Variants in ANTXRL observed in about 807,000 individuals in gnomAD.
ANTXRL encodes anthrax toxin receptor-like.
ANTXRL carries 63 observed loss-of-function variants against 75.4 expected under a neutral mutation model. That is an observed-to-expected ratio of 0.84 (90% confidence interval 0.68 to 1.03). The LOEUF is 1.03. ANTXRL is among the 50% of genes least tolerant of loss of function. ANTXRL has a pLI of 0.00. For synonymous variants in ANTXRL, 335 were observed against 291.3 expected (o/e 1.15, Z -1.53); for missense variants, 797 against 789.4 (o/e 1.01, Z -0.12).
At chr10:46,309,269 A>G (rs1838283071) in intron 13 of ANTXRL, 67 bp downstream of exon 13, 3 of 1,474,716 alleles carry the variant, frequency 2.0e-6, no homozygotes, top group South Asian at 1.2e-5. Context: ...GGACTCTAAC[A>G]TGTGACTGCC....
Position 46,329,920 on chromosome 10 carries a change from C to A in ANTXRL, c.1732C>A (p.Gln578Lys). 1 of 1,535,688 alleles carries A rather than the reference C, an allele frequency of 6.5e-7. No homozygotes were observed. The highest frequency in any genetic ancestry group is 1.7e-4 in the Middle Eastern group (1 of 5,982). The change falls in exon 17 of 17, where the codon CAA (glutamine) becomes AAA (lysine). Residue 578 changes from glutamine (Q) to lysine (K), a missense_variant. By Grantham distance (53) the Gln-to-Lys change is moderately conservative (BLOSUM62 1). Around this residue, in one of 3 missense-constraint regions of ANTXRL, gnomAD observed 479 missense variants for 422.0 expected, o/e 1.14. Transcript: ENST00000620264. ...TCTGTGCAACCCAAAGAGCTGCCTT[C>A]AACCCAGCCGGGAGTGCCTCCCCCT... ...QTLCNPKSCL[Q>K]PSRECLPLTC...
chr10:46,325,329 G>A (rs1181846103), intron 16 of ANTXRL, among the ~76,000 whole-genome samples: 1 of 152,114 alleles, frequency 6.6e-6, no homozygotes, highest in Non-Finnish European at 1.5e-5. Context: ...CATCTACCTT[G>A]GGGTAAGGAA....
chr10:46,315,092 G>A (rs3013793), intron 16 of ANTXRL, among the ~76,000 whole-genome samples: 17,980 of 152,096 alleles, frequency 0.12, 2,581 homozygotes, highest in African/African-American at 0.35. Flanking sequence ...TGGCCCTAGG[G>A]TCTAACATGA....
At chr10:46,302,088 T>C (rs561105551) in intron 9 of ANTXRL, among the ~76,000 whole-genome samples, 32 of 152,290 alleles carry the variant, frequency 2.1e-4, no homozygotes, top group Non-Finnish European at 3.7e-4. Flanking sequence ...AGAAATCACC[T>C]GTAGTTCTCT....
chr10:46,319,512 C>T (rs1253703662), intron 16 of ANTXRL, among the ~76,000 whole-genome samples: 2 of 152,096 alleles, frequency 1.3e-5, no homozygotes, highest in African/African-American at 4.8e-5. Context: ...TCTTATGAAG[C>T]AAACTGACCC....
upstream of ANTXRL, chr10:46,286,290 T>C (rs1239700326): frequency 1.3e-5 from 2 of 152,196 alleles, no homozygotes; most frequent in African/African-American, 4.8e-5. Context: ...CTGAAAATAC[T>C]CACTCTTGGA....
chr10:46,308,348 T>A (rs1838216265), intron 12 of ANTXRL: 2 of 413,402 alleles, frequency 4.8e-6, no homozygotes, highest in Non-Finnish European at 9.7e-6. Flanking sequence ...ATGCTCAGCC[T>A]CAGTGGTTCC....
rs149339726 is a variant in ANTXRL, at chr10:46,302,684, C to T, written c.797-38C>T. ...AGGTCAGAGGGGAGGCAGCCCCCTA[C>T]TCTTCCTCACTCAGCCTTTTGAATG... On this transcript the variant is annotated intron_variant, in intron 9 of 16. Coordinates refer to ENST00000620264, the MANE Select transcript of ANTXRL (RefSeq NM_001278688.3). 9.3e-5 allele frequency: 134 copies of T among 1,442,060 alleles called. 1 individual carries two copies. The East Asian group carries it at 3.2e-3, about 34-fold the overall frequency. 89.3% of individuals were successfully genotyped at this position (1,442,060 alleles called of 1,614,324 possible).
At chr10:46,328,785 C>G (rs1390552484) in intron 16 of ANTXRL, among the ~76,000 whole-genome samples, 1 of 151,994 alleles carries the variant, frequency 6.6e-6, no homozygotes, top group Non-Finnish European at 1.5e-5. Flanking sequence ...TTGGGGTGAC[C>G]AATCTGTGTT....
intron 16 of ANTXRL, among the ~76,000 whole-genome samples, chr10:46,324,809 A>G (rs1554966155): frequency 6.6e-6 from 1 of 152,110 alleles, no homozygotes; most frequent in Non-Finnish European, 1.5e-5. Context: ...AGAGTCAGGA[A>G]ACTCTACGAT....
At chr10:46,288,376 G>C (rs1411029050) in intron 1 of ANTXRL, among the ~76,000 whole-genome samples, 1 of 152,096 alleles carries the variant, frequency 6.6e-6, no homozygotes, top group Admixed American at 6.6e-5. Flanking sequence ...TGGAGGTTGG[G>C]GAAGCATCCA....
In ANTXRL at chr10:46,306,858, A is replaced by C; in HGVS notation, c.951A>C (p.Leu317=). Residue 317 remains leucine, a synonymous_variant, in exon 11 of 17, where the codon CTA becomes CTC. Transcript: ENST00000620264. ...NNSMNCPGPK[L]EKPGEEYSIE... Reference sequence around the variant, plus strand: ...CCATGAATTGCCCTGGGCCAAAACTAGAAAAACCTGGAGAGTAAGTGCCCC... The same window carrying C: ...CCATGAATTGCCCTGGGCCAAAACTCGAAAAACCTGGAGAGTAAGTGCCCC... 6.5e-7 allele frequency: 1 copy of C among 1,530,364 alleles called. No individual in the cohort carries two copies. 94.8% of individuals were successfully genotyped at this position (1,530,364 alleles called of 1,614,324 possible). A position where few individuals can be genotyped will look rare whatever the true frequency, so the allele number is the denominator to read the frequency against.
intron 14 of ANTXRL, 91 bp downstream of exon 14, chr10:46,310,590 T>C: frequency 1.5e-6 from 2 of 1,333,744 alleles, no homozygotes; most frequent in Non-Finnish European, 2.1e-6. Context: ...CCCCATGATC[T>C]CCATCTGCTT....
chr10:46,311,696 A>AC (rs1426973599), intron 15 of ANTXRL, 31 bp downstream of exon 15: 1 of 815,218 alleles, frequency 1.2e-6, no homozygotes, highest in South Asian at 1.5e-5. Context: ...AGGGGCTGTG[A>AC]CCCCAGCATG....
At chr10:46,295,013 G>A (rs1344320167) in intron 3 of ANTXRL, among the ~76,000 whole-genome samples, 1 of 152,186 alleles carries the variant, frequency 6.6e-6, no homozygotes, top group Non-Finnish European at 1.5e-5. Flanking sequence ...AGTCCTGACT[G>A]CCCCAGCCCA....
intron 5 of ANTXRL, among the ~76,000 whole-genome samples, chr10:46,296,488 C>T (rs1326777863): frequency 6.6e-6 from 1 of 152,170 alleles, no homozygotes; most frequent in Non-Finnish European, 1.5e-5. Context: ...GTGCTCATAA[C>T]CCTGAGGTGC....
chr10:46,322,483 C>T (rs1307488092), intron 16 of ANTXRL, among the ~76,000 whole-genome samples: 2 of 151,760 alleles, frequency 1.3e-5, no homozygotes. Flanking sequence ...AGAAATTGCC[C>T]ATCAAGTGGT....
intron 13 of ANTXRL, 29 bp from the exon 14 acceptor site, chr10:46,310,432 C>T (rs1838353740): frequency 1.3e-6 from 2 of 1,535,806 alleles, no homozygotes; most frequent in Non-Finnish European, 1.7e-6. Flanking sequence ...CCCCATCCAG[C>T]CTGTGTTTGT....
Position 46,296,043 on chromosome 10 carries a change from C to T in ANTXRL, c.417C>T (p.Asp139=). 1.3e-6 allele frequency: 2 copies of T among 1,535,832 alleles called. No homozygotes were observed. Among genetic ancestry groups the T allele is most frequent in the Non-Finnish European group, 8.7e-7 (1 of 1,146,742 alleles). ...GGAATAGAATAAAAAACGGTCTTGA[C>T]CAACTTCAGAAAATTGTGCCTGACG... The part of the protein sequence containing the change: ...SDKNRIKNGL[D]QLQKIVPDGH... Residue 139 remains aspartate (D), a synonymous_variant, in exon 4 of 17, where the codon GAC becomes GAT. Transcript: ENST00000620264.
Sources: gnomAD v4.1 joint callset for allele counts (sites outside exome capture counted in the v4.1 genomes callset) on GRCh38, gnomAD v4.1.1 for gene constraint, gnomAD v4.1.1 regional missense constraint, MANE v1.5 for transcripts, NCBI Gene and HGNC (gene_info 2026-07-23, HGNC 2026-07-21) for gene names.